Variants in LNPK observed in about 807,000 individuals in gnomAD.
The protein encoded by LNPK is lunapark, ER junction formation factor, also known as endoplasmic reticulum junction formation protein lunapark.
A neutral mutation model predicts 55.2 loss-of-function variants in LNPK; 29 were observed. That is an observed-to-expected ratio of 0.53 (90% CI 0.39 to 0.72). The LOEUF is 0.72. Among genes scored for constraint, LNPK ranks in the 30% least tolerant of loss-of-function variants. LNPK has a pLI of 0.00. For missense variants in LNPK, 467 were observed against 494.8 expected, an observed-to-expected ratio of 0.94 and a Z score of 0.53; for synonymous variants, 162 against 168.2, an observed-to-expected ratio of 0.96 and a Z score of 0.29.
At chr2:175,999,109 C>T (rs1401955907) in intron 1 of LNPK, among the ~76,000 whole-genome samples, 1 of 152,192 alleles carries the variant, frequency 6.6e-6, no homozygotes, top group Admixed American at 6.5e-5. Context: ...ACAGTTTCAG[C>T]AATTTTTCTA....
chr2:175,993,571 C>T (rs1054813596), intron 2 of LNPK, among the ~76,000 whole-genome samples: 4 of 152,068 alleles, frequency 2.6e-5, no homozygotes, highest in Non-Finnish European at 4.4e-5. Flanking sequence ...TTTGGGAGGC[C>T]AAGGTGGGCG....
At chr2:175,947,431 A>G (rs1685188660) in intron 9 of LNPK, 49 bp downstream of exon 9, 1 of 1,506,366 alleles carries the variant, frequency 6.6e-7, no homozygotes, top group Non-Finnish European at 9.2e-7. Flanking sequence ...TTTATTGGTA[A>G]CCAGAGAAAA....
At chr2:175,958,755 A>T (rs144699984) in intron 8 of LNPK, among the ~76,000 whole-genome samples, 214 of 152,300 alleles carry the variant, frequency 1.4e-3, no homozygotes, top group African/African-American at 5.0e-3. Flanking sequence ...TCAGAAGGTC[A>T]GTAATAACAA....
At chr2:175,969,792 T>A (rs1055554445) in intron 6 of LNPK, among the ~76,000 whole-genome samples, 9 of 152,186 alleles carry the variant, frequency 5.9e-5, no homozygotes, top group African/African-American at 2.2e-4. Flanking sequence ...AAATTGCCAA[T>A]GCAGTTTTGA....
rs932201344 is a variant in LNPK, at chr2:175,967,228, C to T, written c.358-2639G>A. ...AAGAATGAATCATTTTTCTGTAATA[C>T]GGTTGTACTAAAGGTTTTAGGGGCT... On this transcript the variant is annotated intron_variant, in intron 6 of 12. Transcript: ENST00000272748. 1.3e-4 allele frequency among the ~76,000 whole-genome samples: 20 copies of T among 152,002 alleles called. 1 individual carries two copies. The highest frequency in any genetic ancestry group is 9.8e-4 in the Admixed American group (15 of 15,264).
At chr2:175,953,666 T>C (rs1010588323) in intron 8 of LNPK, among the ~76,000 whole-genome samples, 1 of 151,704 alleles carries the variant, frequency 6.6e-6, no homozygotes, top group African/African-American at 2.4e-5. Flanking sequence ...TGCTGTAACC[T>C]TATCTAGTAC....
At chr2:175,975,370 A>C (rs971988449) in intron 5 of LNPK, among the ~76,000 whole-genome samples, 1 of 152,216 alleles carries the variant, frequency 6.6e-6, no homozygotes, top group South Asian at 2.1e-4. Flanking sequence ...CATTTGTATA[A>C]CACTTCGCAA....
intron 1 of LNPK, among the ~76,000 whole-genome samples, chr2:175,999,546 T>C (rs975199725): frequency 3.3e-5 from 5 of 152,224 alleles, no homozygotes; most frequent in African/African-American, 1.2e-4. Flanking sequence ...CTCTCCTTTC[T>C]TTCAAATACA....
intron 12 of LNPK, among the ~76,000 whole-genome samples, chr2:175,935,405 G>A (rs1054996135): frequency 6.6e-6 from 1 of 152,088 alleles, no homozygotes; most frequent in Non-Finnish European, 1.5e-5. Flanking sequence ...TAAGCCACCG[G>A]GGTTCAAAAC....
intron 3 of LNPK, 28 bp downstream of exon 3, chr2:175,993,154 T>G (rs1252225374): frequency 1.4e-6 from 2 of 1,411,592 alleles, no homozygotes; most frequent in African/African-American, 1.5e-5. Flanking sequence ...TAAAATGAAT[T>G]AAAATACCTC....
intron 8 of LNPK, among the ~76,000 whole-genome samples, chr2:175,958,136 T>G (rs1402301442): frequency 6.6e-6 from 1 of 152,204 alleles, no homozygotes; most frequent in Non-Finnish European, 1.5e-5. Flanking sequence ...GGGCAGGGCA[T>G]AGCTGAACAA....
intron 4 of LNPK, among the ~76,000 whole-genome samples, chr2:175,983,212 A>G (rs1476239259): frequency 1.3e-5 from 2 of 152,226 alleles, no homozygotes; most frequent in Non-Finnish European, 2.9e-5. Context: ...AAAAAGAGAG[A>G]AGGCAGGAAT....
chr2:175,970,835 G>C (rs758789937), intron 5 of LNPK, 31 bp from the exon 6 acceptor site: 3 of 1,385,142 alleles, frequency 2.2e-6, no homozygotes, highest in Non-Finnish European at 2.9e-6. Flanking sequence ...CAAAGATTAA[G>C]ATATTTAGAT....
chr2:175,986,922 T>G (rs1317149631), intron 4 of LNPK, among the ~76,000 whole-genome samples: 1 of 148,672 alleles, frequency 6.7e-6, no homozygotes, highest in African/African-American at 2.5e-5. Flanking sequence ...CTGAAGGTAT[T>G]AGCTAACATA....
upstream of LNPK, chr2:176,002,599 G>C (rs747055543): frequency 3.7e-5 from 7 of 190,566 alleles, no homozygotes; most frequent in Non-Finnish European, 6.5e-5. Context: ...GGTGGTCTCA[G>C]ACCGCCGCGC....
chr2:175,968,228 T>C (rs150487986), intron 6 of LNPK, among the ~76,000 whole-genome samples: 279 of 152,314 alleles, frequency 1.8e-3, no homozygotes, highest in African/African-American at 6.2e-3. Context: ...TAGTAACATC[T>C]GTAGTTGATT....
intron 5 of LNPK, among the ~76,000 whole-genome samples, chr2:175,974,934 T>C (rs1686838571): frequency 6.6e-6 from 1 of 151,872 alleles, no homozygotes; most frequent in South Asian, 2.1e-4. Context: ...TGCCTATTTA[T>C]TACATAAGTT....
intron 1 of LNPK, among the ~76,000 whole-genome samples, chr2:175,995,911 T>G (rs1360349299): frequency 7.0e-6 from 1 of 142,828 alleles, no homozygotes; most frequent in East Asian, 2.3e-4. Context: ...CCTCCCGGGT[T>G]AAGCGATTCT....
chr2:175,926,723 C>CA lies in LNPK; in HGVS notation c.*3243dup. On this transcript the variant is annotated 3_prime_UTR_variant, in exon 13 of 13. Coordinates refer to ENST00000272748, the MANE Select transcript of LNPK (RefSeq NM_030650.3). ...ATCATCATTATTAATGCAATGTGAA[C>CA]AGAGAAATGAGAATATAACTAGAAG... The CA allele has an allele frequency of 6.6e-6, 1 of 152,154 alleles. No individual in the cohort carries two copies. Among genetic ancestry groups the CA allele is most frequent in the East Asian group, 1.9e-4 (1 of 5,182 alleles). 9.4% of individuals were successfully genotyped at this position (152,154 alleles called of 1,614,324 possible).
Sources: allele counts gnomAD v4.1 joint callset (sites outside exome capture counted in the v4.1 genomes callset), GRCh38; gene constraint gnomAD v4.1.1; transcripts MANE v1.5; gene names NCBI Gene and HGNC (gene_info 2026-07-23, HGNC 2026-07-21).